The following DGLUCY variants were observed in gnomAD, a reference collection of about 807,000 sequenced individuals.
DGLUCY encodes D-glutamate cyclase, mitochondrial.
A neutral mutation model predicts 58.5 loss-of-function variants in DGLUCY; 58 were observed. The ratio of observed to expected loss-of-function variants is 0.99; its 90% CI spans 0.80 to 1.23. The LOEUF is 1.23. DGLUCY is among the 50% of genes most tolerant of loss of function. The pLI is 0.00. For missense variants in DGLUCY, 779 were observed against 784.7 expected, an observed-to-expected ratio of 0.99 and a Z score of 0.09; for synonymous variants, 325 against 314.1, an observed-to-expected ratio of 1.03 and a Z score of -0.37.
chr14:91,136,596 ATTGC>A (rs200068536), intron 1 of DGLUCY, among the ~76,000 whole-genome samples: 6,933 of 152,036 alleles, frequency 0.046, 181 homozygotes, highest in Middle Eastern at 0.082. Context: ...AGGCAGGAGA[ATTGC>A]TTGAATCTGG....
rs183901068 is a variant in DGLUCY at position 91,125,032 on chromosome 14, T to G, written c.-82+10749T>G. Among the ~76,000 whole-genome samples the G allele has an allele frequency of 1.6e-3, 249 of 152,342 alleles. 1 individual carries two copies. In the Middle Eastern group the frequency reaches 0.017, roughly 10 times the overall value. On this transcript the variant is annotated intron_variant, in intron 1 of 13. Transcript: ENST00000256324. ...TCCTTCCTTTGTTCTCCTCTGCCTT[T>G]GCCTCTTTTAAAAGGTTCTAAGTTG...
At position 91,095,225 on chromosome 14, in the gene DGLUCY, C is replaced by CA. The variant is rs556770480; in HGVS notation, c.-82+34526dup. ...TCTAGAACCGCTTTCCTTCATATCACAAAAACAGTGACTATTGCTGAGAAA... is the reference window on the plus strand; with the variant it reads ...TCTAGAACCGCTTTCCTTCATATCACAAAAAACAGTGACTATTGCTGAGAAA... On this transcript the variant is annotated intron_variant, in intron 1 of 4. Transcript: ENST00000521334. 1.9e-4 allele frequency among the ~76,000 whole-genome samples: 29 copies of CA among 152,290 alleles called. No homozygotes were observed. In the East Asian group the frequency reaches 5.6e-3, roughly 29 times the overall value.
At chr14:91,215,328 G>A (rs1886349417) in intron 12 of DGLUCY, 77 bp from the exon 13 acceptor site, 1 of 1,539,074 alleles carries the variant, frequency 6.5e-7, no homozygotes. Flanking sequence ...CCTGCAGATA[G>A]TTCTGCTTCC....
At chr14:91,151,045 T>C (rs2047308677) in intron 1 of DGLUCY, among the ~76,000 whole-genome samples, 1 of 152,230 alleles carries the variant, frequency 6.6e-6, no homozygotes, top group South Asian at 2.1e-4. Flanking sequence ...GTGGGTGTCT[T>C]ATAGAAATGG....
chr14:91,210,547 A>G (rs1437908870), intron 12 of DGLUCY, among the ~76,000 whole-genome samples: 3 of 152,154 alleles, frequency 2.0e-5, no homozygotes, highest in Non-Finnish European at 4.4e-5. Flanking sequence ...ATAAAAATAA[A>G]ATAATTTTTT....
intron 12 of DGLUCY, among the ~76,000 whole-genome samples, chr14:91,208,407 A>G (rs1232702092): frequency 6.6e-6 from 1 of 152,230 alleles, no homozygotes; most frequent in Non-Finnish European, 1.5e-5. Context: ...GCATTCCATT[A>G]TGTATGCCAT....
chr14:91,074,112 TATATATACAC>T (rs1159547926), intron 1 of DGLUCY, among the ~76,000 whole-genome samples: 4 of 60,644 alleles, frequency 6.6e-5, no homozygotes, highest in African/African-American at 2.2e-4. Context: ...AAAATATATA[TATATATACAC>T]ACACACACAC....
intron 10 of DGLUCY, among the ~76,000 whole-genome samples, chr14:91,196,867 A>G (rs1214729122): frequency 2.0e-5 from 3 of 152,156 alleles, no homozygotes; most frequent in African/African-American, 7.2e-5. Flanking sequence ...ATAGAAATAC[A>G]GCATCATTGT....
intron 13 of DGLUCY, chr14:91,220,709 C>T (rs1333671289): frequency 4.4e-6 from 2 of 454,870 alleles, no homozygotes; most frequent in African/African-American, 2.0e-5. Flanking sequence ...AAGATGAGAC[C>T]ATGATTATAC....
At chr14:91,179,198 A>G (rs905984425) in intron 7 of DGLUCY, among the ~76,000 whole-genome samples, 1 of 152,262 alleles carries the variant, frequency 6.6e-6, no homozygotes, top group Non-Finnish European at 1.5e-5. Context: ...ATACTCAAAG[A>G]TAGTAATGAC....
chr14:91,066,532 C>T (rs2140018575), intron 1 of DGLUCY, among the ~76,000 whole-genome samples: 1 of 152,138 alleles, frequency 6.6e-6, no homozygotes, highest in East Asian at 1.9e-4. Flanking sequence ...TCTCACCTAT[C>T]CTTAGCTTTA....
intron 1 of DGLUCY, among the ~76,000 whole-genome samples, chr14:91,142,851 AC>A (rs2046790375): frequency 7.1e-6 from 1 of 141,748 alleles, no homozygotes; most frequent in African/African-American, 2.8e-5. Flanking sequence ...ACACACACAC[AC>A]ACACACACAC....
intron 13 of DGLUCY, chr14:91,220,483 T>G (rs1463108897): frequency 2.2e-6 from 1 of 456,326 alleles, no homozygotes; most frequent in Non-Finnish European, 4.4e-6. Flanking sequence ...GAGCCAGGCT[T>G]GATGGTGGCA....
At chr14:91,209,280 G>GACAAAACAAAAGA (rs1388639202) in intron 12 of DGLUCY, among the ~76,000 whole-genome samples, 2 of 151,352 alleles carry the variant, frequency 1.3e-5, no homozygotes, top group Non-Finnish European at 2.9e-5. Flanking sequence ...CAACAACGAC[G>GACAAAACAAAAGA]ACAAAACAAA....
At chr14:91,104,016 A>G (rs1245108347), upstream of DGLUCY, among the ~76,000 whole-genome samples, 1 of 147,868 alleles carries the variant, frequency 6.8e-6, no homozygotes, top group Non-Finnish European at 1.5e-5. Context: ...TCAACCTAGG[A>G]TGATTTTGTA....
chr14:91,192,089 G>A (rs1477349743), intron 9 of DGLUCY, among the ~76,000 whole-genome samples: 1 of 152,176 alleles, frequency 6.6e-6, no homozygotes, highest in East Asian at 1.9e-4. Context: ...CACTTTATTT[G>A]CGACAGTCAT....
intron 10 of DGLUCY, among the ~76,000 whole-genome samples, chr14:91,199,402 A>T (rs1367861823): frequency 6.6e-6 from 1 of 151,838 alleles, no homozygotes; most frequent in African/African-American, 2.4e-5. Context: ...TGGGACTACA[A>T]GCACCCACCA....
intron 11 of DGLUCY, among the ~76,000 whole-genome samples, chr14:91,202,060 A>ATAATAATAATAATAATAATAATAATAG (rs1261380390): frequency 8.0e-6 from 1 of 125,132 alleles, no homozygotes; most frequent in African/African-American, 2.8e-5. Flanking sequence ...TGTCTCAAAA[A>ATAATAATAATAATAATAATAATAATAG]TAATAATAAT....
intron 1 of DGLUCY, among the ~76,000 whole-genome samples, chr14:91,141,745 T>TA (rs1001909079): frequency 3.3e-5 from 5 of 151,964 alleles, no homozygotes; most frequent in African/African-American, 7.3e-5. Context: ...GAGATGGGCT[T>TA]TCACCACGTT....
Sources: allele counts gnomAD v4.1 joint callset (sites outside exome capture counted in the v4.1 genomes callset), GRCh38; gene constraint gnomAD v4.1.1; transcripts MANE v1.5; gene names NCBI Gene and HGNC (gene_info 2026-07-23, HGNC 2026-07-21).